A2ML1: variants seen among roughly 807,000 people sequenced by gnomAD.
A2ML1 encodes the protein alpha-2-macroglobulin-like protein 1.
A2ML1 carries 161 observed loss-of-function variants against 181.9 expected under a neutral mutation model. The observed-to-expected ratio is 0.89, with a 90% confidence interval of 0.78 to 1.01. The LOEUF (loss-of-function observed/expected upper bound fraction) is 1.01, where lower values mean the gene tolerates loss of function less well. A2ML1 is among the 50% of genes least tolerant of loss of function. The probability of loss-of-function intolerance (pLI) is 0.00; values close to 1 mark genes in which losing one functional copy is unlikely to be tolerated. For missense variants in A2ML1, 1,670 were observed against 1,768.1 expected (o/e 0.94, Z 1.00); for synonymous variants, 663 against 666.8 (o/e 0.99, Z 0.09).
intron 13 of A2ML1, 71 bp downstream of exon 13, chr12:8,845,573 C>A (rs978713840): frequency 1.9e-5 from 29 of 1,524,860 alleles, no homozygotes; most frequent in Non-Finnish European, 2.4e-5. Flanking sequence ...CTTGGCCAGG[C>A]GCGGTGGCTC....
In A2ML1 at chr12:8,867,972, GATTGGT is replaced by G; in HGVS notation, c.3852_3857del (p.Leu1284_Val1285del). 1 of 1,614,266 alleles carries G rather than the reference GATTGGT, an allele frequency of 6.2e-7. No homozygotes were observed. ...ACATTCAACATACAGTCAGTTAACA[GATTGGT>G]ATTTCAGCAGGATACCCTGCCCAAT... On this transcript the variant is annotated inframe_deletion, in exon 30 of 36. Coordinates refer to ENST00000299698, the MANE Select transcript of A2ML1 (RefSeq NM_144670.6).
In A2ML1 at chr12:8,852,171, CTTTG is replaced by C; in HGVS notation, c.2464-33_2464-30del. On this transcript the variant is annotated intron_variant, in intron 19 of 35. Coordinates refer to ENST00000299698, the MANE Select transcript of A2ML1 (RefSeq NM_144670.6). The surrounding 1 kb of genome is among the most constrained non-coding windows in gnomAD (Gnocchi z 4.2). ...TCCCCAGGCCTCTATGCACTACCTC[CTTTG>C]TTTGTACCCTTTGTCTCTTAAACAT... The C allele has an allele frequency of 6.2e-7, 1 of 1,612,876 alleles. No individual in the cohort carries two copies.
chr12:8,883,918 T>G (rs780496223), intron 7 of A2ML1, among the ~76,000 whole-genome samples: 1,522 of 152,194 alleles, frequency 0.01, 28 homozygotes, highest in African/African-American at 0.035. Flanking sequence ...CCCCAGTAGC[T>G]GAGACTACAG....
rs1592128927 is a variant in A2ML1 at position 8,846,142 on chromosome 12, G to A, written c.1603G>A (p.Val535Met). 2.5e-6 allele frequency: 4 copies of A among 1,614,126 alleles called. No individual in the cohort carries two copies. The highest frequency in any genetic ancestry group is 1.6e-4 in the Middle Eastern group (1 of 6,062). ...GAGACTGGCCCCTGATCCTTCCCTG[G>A]TGATCTATGCCATTTTTCCCAGTGG... ...TSRLAPDPSL[V>M]IYAIFPSGGV... Residue 535 changes from valine to methionine, a missense_variant, in exon 14 of 36, where the codon GTG becomes ATG. Transcript: ENST00000299698.
rs1462117969 is a variant in A2ML1, at chr12:8,841,408, C to G, written c.1120C>G (p.His374Asp). Reference sequence around the variant, plus strand: ...CCATGATGACTCCTTCCTCAAGAACCATCTAGTGTTTCTGGTGATTTATGG... The same window carrying G: ...CCATGATGACTCCTTCCTCAAGAACGATCTAGTGTTTCTGGTGATTTATGG... ...RGHDDSFLKNHLVFLVIYGTN... is the reference protein window; with the variant it reads ...RGHDDSFLKNDLVFLVIYGTN... Residue 374 changes from histidine to aspartate, a missense_variant, in exon 11 of 36, where the codon CAT (histidine) becomes GAT (aspartate). His to Asp is a moderately conservative substitution (Grantham distance 81). Coordinates refer to ENST00000299698, the MANE Select transcript of A2ML1 (RefSeq NM_144670.6). 2 of 1,614,104 alleles carry G rather than the reference C, an allele frequency of 1.2e-6. No individual in the cohort carries two copies. The highest frequency in any genetic ancestry group is 1.7e-6 in the Non-Finnish European group (2 of 1,180,026).
chr12:8,846,172 G>T lies in A2ML1; in HGVS notation c.1633G>T (p.Val545Phe). ...CTATGCCATTTTTCCCAGTGGAGGT[G>T]TTGTAGCTGACAAAATTCAGTTCTC... ...VIYAIFPSGG[V>F]VADKIQFSVE... The change falls in exon 14 of 36, where the codon GTT (valine) becomes TTT (phenylalanine). Residue 545 changes from valine to phenylalanine, a missense_variant. Transcript: ENST00000299698. 6.2e-7 allele frequency: 1 copy of T among 1,614,190 alleles called. No individual in the cohort carries two copies. Among genetic ancestry groups the T allele is most frequent in the Admixed American group, 1.7e-5 (1 of 60,016 alleles).
intron 10 of A2ML1, among the ~76,000 whole-genome samples, chr12:8,840,765 A>T (rs1190752616): frequency 2.0e-5 from 3 of 151,928 alleles, no homozygotes; most frequent in Middle Eastern, 6.8e-3. Context: ...AAAATTAGCC[A>T]GGTATGGTGG....
At position 8,823,942 on chromosome 12, in the gene A2ML1, A is replaced by G. The variant is rs1942836407; in HGVS notation, c.409+60A>G. The stretch of plus-strand genomic sequence containing the variant: ...TGGGGAAACCGCTGTGCACAGGGGT[A>G]AAGAGGGGATTTGTGGTTTGACAGT... On this transcript the variant is annotated intron_variant, in intron 3 of 35. Coordinates refer to ENST00000299698, the MANE Select transcript of A2ML1 (RefSeq NM_144670.6). 1.1e-5 allele frequency: 17 copies of G among 1,526,884 alleles called. 1 individual carries two copies. In the South Asian group the frequency reaches 1.8e-4, roughly 16 times the overall value. 94.6% of individuals were successfully genotyped at this position (1,526,884 alleles called of 1,614,324 possible). A position where few individuals can be genotyped will look rare whatever the true frequency, so the allele number is the denominator to read the frequency against.
At position 8,867,231 on chromosome 12, in the gene A2ML1, T is replaced by C. The variant is rs914259707; in HGVS notation, c.3718-611T>C. ...AAGCTGTAAAATATATACTGAACAA[T>C]TATCCACTTGCTTCTAGCAATAACT... is the stretch of plus-strand genomic sequence containing the variant. On this transcript the variant is annotated intron_variant, in intron 29 of 35. Transcript: ENST00000299698. Among the ~76,000 whole-genome samples the C allele has an allele frequency of 9.9e-5, 15 of 152,260 alleles. 1 individual carries two copies. The highest frequency in any genetic ancestry group is 9.2e-4 in the Admixed American group (14 of 15,286).
At chr12:8,845,278 C>T in intron 12 of A2ML1, 164 bp from the exon 13 acceptor site, 1 of 1,463,870 alleles carries the variant, frequency 6.8e-7, no homozygotes, top group Non-Finnish European at 9.3e-7. Flanking sequence ...TTGGCAGCAT[C>T]CTGCATTTGT....
At chr12:8,840,307 C>T (rs7974651) in intron 10 of A2ML1, among the ~76,000 whole-genome samples, 2 of 150,304 alleles carry the variant, frequency 1.3e-5, no homozygotes, top group African/African-American at 4.9e-5. Flanking sequence ...GTGCAGTGAG[C>T]TAAGATCATG....
intron 20 of A2ML1, among the ~76,000 whole-genome samples, chr12:8,853,517 G>T (rs1943961151): frequency 6.6e-6 from 1 of 152,144 alleles, no homozygotes; most frequent in Non-Finnish European, 1.5e-5. Flanking sequence ...ATCTCATGAG[G>T]TTGCAATCAA....
At chr12:8,824,662 C>T (rs545849471) in intron 3 of A2ML1, among the ~76,000 whole-genome samples, 2 of 152,038 alleles carry the variant, frequency 1.3e-5, no homozygotes, top group Non-Finnish European at 2.9e-5. Flanking sequence ...TCCTGCCCAC[C>T]ATTACCCTTC....
intron 26 of A2ML1, 50 bp from the exon 27 acceptor site, chr12:8,860,831 T>A: frequency 6.6e-7 from 1 of 1,509,854 alleles, no homozygotes; most frequent in Non-Finnish European, 9.2e-7. Context: ...ACATAATTCT[T>A]GCAGCTGCTG....
intron 3 of A2ML1, among the ~76,000 whole-genome samples, chr12:8,827,450 C>T (rs184416800): frequency 6.6e-6 from 1 of 152,040 alleles, no homozygotes; most frequent in African/African-American, 2.4e-5. Flanking sequence ...AAAGTCAATA[C>T]CTCTTTTTTT....
intron 31 of A2ML1, 27 bp downstream of exon 31, chr12:8,868,384 C>T (rs370218825): frequency 2.4e-5 from 39 of 1,607,946 alleles, no homozygotes; most frequent in South Asian, 1.9e-4. Flanking sequence ...TGCTGGTGGC[C>T]GGCAGAGCAC....
chr12:8,868,444 A>ATG lies in A2ML1; in HGVS notation c.4062-83_4062-82dup, dbSNP rs1347050078. 15 of 1,533,750 alleles carry ATG rather than the reference A, an allele frequency of 9.8e-6. No homozygotes were observed. In the Admixed American group the frequency reaches 1.3e-4, roughly 13 times the overall value. ...CACTTGTGTGTGTGTGTGTCTGTGT[A>ATG]TGTGTGTGTGTACGTGTGTGTGTGT... On this transcript the variant is annotated intron_variant, in intron 31 of 35. Transcript: ENST00000299698.
intron 4 of A2ML1, among the ~76,000 whole-genome samples, chr12:8,833,361 G>A (rs1386159744): frequency 5.3e-5 from 8 of 152,120 alleles, no homozygotes; most frequent in Admixed American, 4.6e-4. Context: ...CTTGATCCCT[G>A]TGTGAGAAAA....
intron 3 of A2ML1, 83 bp downstream of exon 3, chr12:8,823,965 A>T: frequency 6.8e-7 from 1 of 1,479,492 alleles, no homozygotes; most frequent in Non-Finnish European, 9.0e-7. Context: ...GTGGTTTGAC[A>T]GTAGGCTTTG....
Sources: gnomAD v4.1 joint callset for allele counts (sites outside exome capture counted in the v4.1 genomes callset) on GRCh38, gnomAD v4.1.1 for gene constraint, Gnocchi (gnomAD v3.1) non-coding constraint, MANE v1.5 for transcripts, NCBI Gene and HGNC (gene_info 2026-07-23, HGNC 2026-07-21) for gene names.